Variants in CNTNAP5 observed in about 807,000 individuals in gnomAD.
The protein encoded by CNTNAP5 is contactin-associated protein-like 5.
CNTNAP5 carries 72 observed loss-of-function variants against 150.2 expected under a neutral mutation model. That is an observed-to-expected ratio of 0.48 (90% CI 0.40 to 0.58). The LOEUF (loss-of-function observed/expected upper bound fraction) is 0.58. CNTNAP5 is among the 20% of genes least tolerant of loss of function. CNTNAP5 has a pLI of 0.00. For synonymous variants in CNTNAP5, 672 were observed against 619.8 expected (o/e 1.08, Z -1.25); for missense variants, 1,636 against 1,626.2 (o/e 1.01, Z -0.10).
In CNTNAP5 at chr2:124,918,789, CTAAA is replaced by C. The variant is rs1351926280; in HGVS notation, c.*4510_*4513del. Among the ~76,000 whole-genome samples, 1 of 152,018 alleles carries C rather than the reference CTAAA, an allele frequency of 6.6e-6. No individual in the cohort carries two copies. The highest frequency in any genetic ancestry group is 6.6e-5 in the Admixed American group (1 of 15,240). ...AATTATCCTACAGGTCATGTATCGA[CTAAA>C]TAAATAAACTGACTTCATTGTTTCT... On this transcript the variant is annotated 3_prime_UTR_variant, in exon 24 of 24. Coordinates refer to ENST00000682447, the MANE Select transcript of CNTNAP5 (RefSeq NM_001367498.1).
At chr2:124,792,822 T>G (rs544448940) in intron 18 of CNTNAP5, among the ~76,000 whole-genome samples, 1 of 152,328 alleles carries the variant, frequency 6.6e-6, no homozygotes, top group East Asian at 1.9e-4. Context: ...TCGCATAATA[T>G]TGTCCCAGTT....
At chr2:124,906,606 A>G (rs1678542876) in intron 22 of CNTNAP5, among the ~76,000 whole-genome samples, 1 of 152,172 alleles carries the variant, frequency 6.6e-6, no homozygotes, top group South Asian at 2.1e-4. Context: ...CTTGGGAAAT[A>G]TATTGAGAAA....
intron 4 of CNTNAP5, among the ~76,000 whole-genome samples, chr2:124,429,434 T>A (rs981581138): frequency 6.6e-6 from 1 of 152,194 alleles, no homozygotes; most frequent in Admixed American, 6.5e-5. Context: ...AATAGTACAT[T>A]ATAAAATACT....
At chr2:124,459,531 C>T (rs2920062) in intron 6 of CNTNAP5, among the ~76,000 whole-genome samples, 4 of 152,012 alleles carry the variant, frequency 2.6e-5, no homozygotes, top group South Asian at 4.2e-4. Flanking sequence ...GGTGGATCAC[C>T]TGAGGTCAGG....
At chr2:124,536,375 T>A (rs1348656627) in intron 10 of CNTNAP5, among the ~76,000 whole-genome samples, 1 of 152,068 alleles carries the variant, frequency 6.6e-6, no homozygotes, top group Non-Finnish European at 1.5e-5. Flanking sequence ...TGGCAACTTG[T>A]TAGAAATGCA....
chr2:124,402,415 T>C (rs1156696149), intron 3 of CNTNAP5, among the ~76,000 whole-genome samples: 1 of 152,190 alleles, frequency 6.6e-6, no homozygotes, highest in South Asian at 2.1e-4. Context: ...ACAGAGTCGA[T>C]AGCGACTCCC....
At position 124,119,965 on chromosome 2, in the gene CNTNAP5, T is replaced by C. The variant is rs573929568; in HGVS notation, c.82+94233T>C. Among the ~76,000 whole-genome samples the C allele has an allele frequency of 2.6e-5, 4 of 152,288 alleles. No homozygotes were observed. The South Asian group carries it at 8.3e-4, about 32-fold the overall frequency. On this transcript the variant is annotated intron_variant, in intron 1 of 23. Coordinates refer to ENST00000682447, the MANE Select transcript of CNTNAP5 (RefSeq NM_001367498.1). ...GGAACCACCTTGAGGACCTAAAAAG[T>C]GCTCTTATGACTGGGTTCCACCTCA...
At chr2:124,345,807 T>C (rs1019329638) in intron 3 of CNTNAP5, among the ~76,000 whole-genome samples, 4 of 152,128 alleles carry the variant, frequency 2.6e-5, no homozygotes, top group African/African-American at 7.2e-5. Flanking sequence ...CGTTCCTCTA[T>C]TATTCCCACC....
chr2:124,374,595 G>A (rs966722943), intron 3 of CNTNAP5, among the ~76,000 whole-genome samples: 2 of 152,146 alleles, frequency 1.3e-5, no homozygotes, highest in East Asian at 1.9e-4. Flanking sequence ...CTAGGCAAAG[G>A]TTTAAGATGA....
chr2:124,214,008 G>A (rs1046763473), intron 1 of CNTNAP5, among the ~76,000 whole-genome samples: 1 of 152,116 alleles, frequency 6.6e-6, no homozygotes, highest in African/African-American at 2.4e-5. Context: ...CTCAGGTTTT[G>A]TGCAGAGTCA....
chr2:124,448,506 G>A lies in CNTNAP5; in HGVS notation c.918+1569G>A, dbSNP rs561199349. Among the ~76,000 whole-genome samples the A allele has an allele frequency of 9.9e-5, 15 of 152,184 alleles. No individual in the cohort carries two copies. The South Asian group carries it at 1.2e-3, about 13-fold the overall frequency. Reference sequence around the variant, plus strand: ...CCAATTCTATGTTCAGTGAAATCCCGTTGACAGCTTGAAGTCTACCATAGT... The same window carrying A: ...CCAATTCTATGTTCAGTGAAATCCCATTGACAGCTTGAAGTCTACCATAGT... On this transcript the variant is annotated intron_variant, in intron 6 of 23. Transcript: ENST00000682447.
At chr2:124,856,299 A>G (rs114697331) in intron 19 of CNTNAP5, among the ~76,000 whole-genome samples, 1 of 152,214 alleles carries the variant, frequency 6.6e-6, no homozygotes, top group African/African-American at 2.4e-5. Context: ...TGCTATAAAC[A>G]TGCGTGTGCA....
At chr2:124,803,524 AC>A (rs367932170) in intron 19 of CNTNAP5, among the ~76,000 whole-genome samples, 48 of 152,150 alleles carry the variant, frequency 3.2e-4, no homozygotes, top group African/African-American at 1.1e-3. Context: ...TCCTTTGGGT[AC>A]ACAATCCAAA....
At chr2:124,848,496 T>C (rs1482516593) in intron 19 of CNTNAP5, among the ~76,000 whole-genome samples, 1 of 152,194 alleles carries the variant, frequency 6.6e-6, no homozygotes, top group Non-Finnish European at 1.5e-5. Flanking sequence ...TTTGAGGTAC[T>C]GATTTCTGGA....
At chr2:124,068,236 C>T (rs1424254454) in intron 1 of CNTNAP5, among the ~76,000 whole-genome samples, 1 of 152,142 alleles carries the variant, frequency 6.6e-6, no homozygotes, top group East Asian at 1.9e-4. Context: ...CCCTTTCTAC[C>T]CCCTGGCAGT....
chr2:124,365,309 C>T (rs902755837), intron 3 of CNTNAP5, among the ~76,000 whole-genome samples: 5 of 143,900 alleles, frequency 3.5e-5, no homozygotes, highest in Admixed American at 2.8e-4. Flanking sequence ...GAGCAAGACT[C>T]TGTCCCAAAA....
chr2:124,139,263 AACAC>A (rs3063402), intron 1 of CNTNAP5, among the ~76,000 whole-genome samples: 28,495 of 149,062 alleles, frequency 0.19, 3,075 homozygotes, highest in African/African-American at 0.32. Context: ...TTTCTACCCC[AACAC>A]ACACACACAC....
intron 13 of CNTNAP5, among the ~76,000 whole-genome samples, chr2:124,672,403 T>C (rs1558729559): frequency 6.6e-6 from 1 of 152,264 alleles, no homozygotes; most frequent in African/African-American, 2.4e-5. Flanking sequence ...CAGGAGGAAA[T>C]TTTTGTAAAA....
intron 7 of CNTNAP5, among the ~76,000 whole-genome samples, chr2:124,485,475 T>A (rs1043294796): frequency 1.3e-5 from 2 of 151,358 alleles, no homozygotes; most frequent in African/African-American, 4.9e-5. Flanking sequence ...TAACCAGGCG[T>A]GGTGGCGGGC....
Sources: allele counts gnomAD v4.1 joint callset (sites outside exome capture counted in the v4.1 genomes callset), GRCh38; gene constraint gnomAD v4.1.1; transcripts MANE v1.5; gene names NCBI Gene and HGNC (gene_info 2026-07-23, HGNC 2026-07-21).